The following DGKB variants were observed in gnomAD, a reference collection of about 807,000 sequenced individuals.
The protein encoded by DGKB is diacylglycerol kinase beta.
In DGKB, 67 loss-of-function variants were observed where a neutral mutation model predicts 114.3. The ratio of observed to expected loss-of-function variants is 0.59; its 90% confidence interval spans 0.48 to 0.72. The LOEUF (loss-of-function observed/expected upper bound fraction) is 0.72. Among genes scored for constraint, DGKB ranks in the 30% least tolerant of loss-of-function variants. The probability of loss-of-function intolerance (pLI) is 0.00; values close to 1 mark genes in which losing one functional copy is unlikely to be tolerated. For synonymous variants in DGKB, 398 were observed against 323.1 expected (o/e 1.23, Z -2.49); for missense variants, 907 against 975.2 (o/e 0.93, Z 0.93).
At chr7:14,549,978 A>T (rs1271239392) in intron 20 of DGKB, among the ~76,000 whole-genome samples, 1 of 151,680 alleles carries the variant, frequency 6.6e-6, no homozygotes, top group Non-Finnish European at 1.5e-5. Context: ...ACAGAGCTAG[A>T]CTGTCTAAAA....
chr7:14,333,096 G>C (rs193169399), intron 23 of DGKB, among the ~76,000 whole-genome samples: 48 of 152,220 alleles, frequency 3.2e-4, no homozygotes, highest in African/African-American at 1.1e-3. Flanking sequence ...GTAAGTAAAA[G>C]AGAAAATTGA....
intron 13 of DGKB, among the ~76,000 whole-genome samples, chr7:14,635,605 C>G (rs768228222): frequency 6.6e-6 from 1 of 151,500 alleles, no homozygotes; most frequent in Admixed American, 6.6e-5. Context: ...CATGCACATC[C>G]TATTGACTAT....
intron 23 of DGKB, among the ~76,000 whole-genome samples, chr7:14,249,513 C>T (rs1294231170): frequency 6.6e-6 from 1 of 152,070 alleles, no homozygotes; most frequent in Non-Finnish European, 1.5e-5. Flanking sequence ...ATTCAATCTC[C>T]TTACTCATTA....
chr7:14,504,479 T>G (rs1365612034), intron 20 of DGKB, among the ~76,000 whole-genome samples: 5 of 152,206 alleles, frequency 3.3e-5, no homozygotes, highest in Admixed American at 2.0e-4. Context: ...CTAAGAGGCA[T>G]GTAGAAATGA....
chr7:14,292,313 T>C (rs998413576), intron 23 of DGKB, among the ~76,000 whole-genome samples: 3 of 152,140 alleles, frequency 2.0e-5, no homozygotes, highest in African/African-American at 2.4e-5. Context: ...TGGCGCTGCA[T>C]GGTCAGCACT....
At chr7:14,643,747 GCCA>G (rs1006627453) in intron 13 of DGKB, among the ~76,000 whole-genome samples, 3 of 152,094 alleles carry the variant, frequency 2.0e-5, no homozygotes, top group African/African-American at 4.8e-5. Flanking sequence ...TAGCAGTGGG[GCCA>G]CCACATGTCC....
At chr7:14,219,000 T>C (rs959378199) in intron 23 of DGKB, among the ~76,000 whole-genome samples, 1 of 151,946 alleles carries the variant, frequency 6.6e-6, no homozygotes, top group Non-Finnish European at 1.5e-5. Context: ...TTCTGAATAT[T>C]TCATACAAAT....
chr7:14,862,462 G>T (rs1419532908), intron 1 of DGKB, among the ~76,000 whole-genome samples: 1 of 151,920 alleles, frequency 6.6e-6, no homozygotes, highest in African/African-American at 2.4e-5. Flanking sequence ...TGTTTATTTA[G>T]TGGTTATAAC....
In DGKB at chr7:14,310,528, A is replaced by G. The variant is rs554517043; in HGVS notation, c.2122+27987T>C. On this transcript the variant is annotated intron_variant, in intron 23 of 25. Transcript: ENST00000402815. Reference sequence around the variant, plus strand: ...GGACAGCTACCAAGGATTTTGATTAATTTATACAACCAAAACCAATCAAGA... The same window carrying G: ...GGACAGCTACCAAGGATTTTGATTAGTTTATACAACCAAAACCAATCAAGA... 3.3e-5 allele frequency among the ~76,000 whole-genome samples: 5 copies of G among 152,300 alleles called. No homozygotes were observed. In the South Asian group the frequency reaches 1.0e-3, roughly 32 times the overall value.
intron 25 of DGKB, among the ~76,000 whole-genome samples, chr7:14,168,440 A>T (rs562028437): frequency 2.2e-4 from 33 of 152,348 alleles, no homozygotes; most frequent in African/African-American, 7.5e-4. Flanking sequence ...CAAAACATAC[A>T]GCTACAGATT....
chr7:14,348,903 C>T (rs1202625933), intron 21 of DGKB, among the ~76,000 whole-genome samples: 4 of 151,634 alleles, frequency 2.6e-5, no homozygotes, highest in South Asian at 2.1e-4. Context: ...GGCTAAATAC[C>T]GACTAACAAG....
chr7:14,649,914 G>A (rs1814048432), intron 13 of DGKB, among the ~76,000 whole-genome samples: 3 of 142,250 alleles, frequency 2.1e-5, no homozygotes, highest in African/African-American at 8.2e-5. Flanking sequence ...ATTACATAAT[G>A]GTAAAGGGAT....
upstream of DGKB, among the ~76,000 whole-genome samples, chr7:14,907,523 T>C (rs372218129): frequency 5.9e-5 from 9 of 152,230 alleles, no homozygotes; most frequent in African/African-American, 1.9e-4. Flanking sequence ...CCTGGCAGCA[T>C]TCTGCATGTG....
chr7:14,789,319 A>C (rs1840334078), intron 2 of DGKB, among the ~76,000 whole-genome samples: 1 of 152,034 alleles, frequency 6.6e-6, no homozygotes, highest in Non-Finnish European at 1.5e-5. Flanking sequence ...TCTGTCTCTC[A>C]CTTCCTCCTC....
At chr7:14,413,307 T>G (rs1825192941) in intron 21 of DGKB, among the ~76,000 whole-genome samples, 1 of 152,140 alleles carries the variant, frequency 6.6e-6, no homozygotes, top group Non-Finnish European at 1.5e-5. Context: ...AACTTTTACT[T>G]GCATAACAAA....
At chr7:14,195,072 T>C (rs114858182) in intron 23 of DGKB, among the ~76,000 whole-genome samples, 2,317 of 152,304 alleles carry the variant, frequency 0.015, 43 homozygotes, top group African/African-American at 0.052. Context: ...TAGCCATGTG[T>C]ATTATCAGTA....
intron 23 of DGKB, among the ~76,000 whole-genome samples, chr7:14,232,337 G>A (rs770044462): frequency 1.1e-4 from 16 of 147,934 alleles, no homozygotes; most frequent in African/African-American, 1.5e-4. Context: ...TGCCCTGCTC[G>A]AAATTCCTTG....
At chr7:14,691,727 A>G (rs1403920228) in intron 9 of DGKB, among the ~76,000 whole-genome samples, 5 of 152,012 alleles carry the variant, frequency 3.3e-5, no homozygotes, top group African/African-American at 1.2e-4. Flanking sequence ...TCTTCTTTTA[A>G]AGTTGTTCTT....
At chr7:14,673,545 C>A in intron 12 of DGKB, among the ~76,000 whole-genome samples, 1 of 151,696 alleles carries the variant, frequency 6.6e-6, no homozygotes, top group Non-Finnish European at 1.5e-5. Flanking sequence ...TCAGTAGGAG[C>A]AGGATATAAA....
Sources: allele counts gnomAD v4.1 joint callset (sites outside exome capture counted in the v4.1 genomes callset), GRCh38; gene constraint gnomAD v4.1.1; transcripts MANE v1.5; gene names NCBI Gene and HGNC (gene_info 2026-07-23, HGNC 2026-07-21).